Variants in CCSER1 observed in about 807,000 individuals in gnomAD.
The protein encoded by CCSER1 is serine-rich coiled-coil domain-containing protein 1.
Under a neutral mutation model 82.0 loss-of-function variants are expected in CCSER1, and 41 were observed. The ratio of observed to expected loss-of-function variants is 0.50; its 90% CI spans 0.39 to 0.65. The LOEUF (loss-of-function observed/expected upper bound fraction) is 0.65. Ranked by LOEUF, CCSER1 falls within the 30% of genes least tolerant of loss-of-function variation. CCSER1 has a pLI of 0.00. For synonymous variants in CCSER1, 414 were observed against 383.9 expected (o/e 1.08, Z -0.92); for missense variants, 1,119 against 1,064.2 (o/e 1.05, Z -0.72).
intron 5 of CCSER1, among the ~76,000 whole-genome samples, chr4:90,571,150 T>G (rs757316330): frequency 6.6e-6 from 1 of 152,088 alleles, no homozygotes; most frequent in Admixed American, 6.6e-5. Flanking sequence ...ATTAGTCCAG[T>G]CCCCGTGGAA....
intron 3 of CCSER1, among the ~76,000 whole-genome samples, chr4:90,364,416 A>G (rs941242209): frequency 6.6e-6 from 1 of 152,050 alleles, no homozygotes; most frequent in African/African-American, 2.4e-5. Flanking sequence ...GGAATCACTA[A>G]AATTGATGGT....
At chr4:90,279,670 A>G (rs1317280762) in intron 1 of CCSER1, among the ~76,000 whole-genome samples, 1 of 151,998 alleles carries the variant, frequency 6.6e-6, no homozygotes, top group Admixed American at 6.6e-5. Flanking sequence ...TACCAGATAA[A>G]AGAAATGGTC....
At chr4:90,380,823 A>G (rs1315231433) in intron 3 of CCSER1, among the ~76,000 whole-genome samples, 1 of 152,322 alleles carries the variant, frequency 6.6e-6, no homozygotes, top group South Asian at 2.1e-4. Flanking sequence ...CATCTAATTA[A>G]TAGTTAATTC....
intron 10 of CCSER1, among the ~76,000 whole-genome samples, chr4:91,488,963 C>G (rs1758366607): frequency 6.6e-6 from 1 of 152,028 alleles, no homozygotes; most frequent in Non-Finnish European, 1.5e-5. Flanking sequence ...TCAAAAAACA[C>G]AAATGAAAAG....
chr4:90,667,893 T>G (rs1441581586), intron 6 of CCSER1, among the ~76,000 whole-genome samples: 1 of 152,178 alleles, frequency 6.6e-6, no homozygotes, highest in Non-Finnish European at 1.5e-5. Context: ...AATAAACAGT[T>G]TTTAGACTGA....
intron 4 of CCSER1, among the ~76,000 whole-genome samples, chr4:90,428,405 A>G (rs1757824658): frequency 6.6e-6 from 1 of 151,730 alleles, no homozygotes; most frequent in African/African-American, 2.4e-5. Context: ...ATAACTTCTG[A>G]CTCCCCCAAA....
At chr4:90,470,774 A>AAAC (rs1553919969) in intron 5 of CCSER1, among the ~76,000 whole-genome samples, 10 of 149,826 alleles carry the variant, frequency 6.7e-5, no homozygotes, top group African/African-American at 2.5e-4. Context: ...AAAAAAAAAA[A>AAAC]AAAAAAACAA....
intron 8 of CCSER1, among the ~76,000 whole-genome samples, chr4:90,850,118 A>G (rs776506365): frequency 1.3e-4 from 20 of 152,208 alleles, no homozygotes; most frequent in Non-Finnish European, 1.9e-4. Flanking sequence ...TCAAGCCCCA[A>G]ACCTTGGTGA....
intron 8 of CCSER1, among the ~76,000 whole-genome samples, chr4:90,848,880 T>C (rs1763515499): frequency 6.6e-6 from 1 of 152,216 alleles, no homozygotes; most frequent in African/African-American, 2.4e-5. Flanking sequence ...ATTTATCACC[T>C]TTGCTCAACA....
At chr4:90,759,579 A>T (rs910332106) in intron 7 of CCSER1, among the ~76,000 whole-genome samples, 1 of 152,322 alleles carries the variant, frequency 6.6e-6, no homozygotes, top group East Asian at 1.9e-4. Flanking sequence ...CACCATGGCC[A>T]ATTTCAAGCT....
At position 91,357,885 on chromosome 4, in the gene CCSER1, C is replaced by G. The variant is rs1039639140; in HGVS notation, c.2218-240687C>G. Among the ~76,000 whole-genome samples, 297 of 73,066 alleles carry G rather than the reference C, an allele frequency of 4.1e-3. 2 individuals are homozygous for G. The highest frequency in any genetic ancestry group is 0.012 in the African/African-American group (272 of 23,136). 47.9% of individuals were successfully genotyped at this position (73,066 alleles called of 152,430 possible). On this transcript the variant is annotated intron_variant, in intron 10 of 10. Transcript: ENST00000509176. ...TACCTAAATTCTGCCTGCCCCCCCCCCCTTTTTTTTTTTTTTTTGAAGATA... is the reference window on the plus strand; with the variant it reads ...TACCTAAATTCTGCCTGCCCCCCCCGCCTTTTTTTTTTTTTTTTGAAGATA...
At chr4:90,277,849 A>C (rs1045183546) in intron 1 of CCSER1, among the ~76,000 whole-genome samples, 5 of 152,180 alleles carry the variant, frequency 3.3e-5, no homozygotes, top group African/African-American at 1.2e-4. Context: ...TAATTAAAGT[A>C]AAGAGCTTCT....
intron 10 of CCSER1, among the ~76,000 whole-genome samples, chr4:91,145,200 C>A (rs116023332): frequency 1.3e-5 from 2 of 152,030 alleles, no homozygotes; most frequent in Non-Finnish European, 2.9e-5. Flanking sequence ...AAACTAATAT[C>A]GTTATGTAAT....
intron 8 of CCSER1, among the ~76,000 whole-genome samples, chr4:90,890,672 T>C (rs1027421957): frequency 6.6e-6 from 1 of 152,210 alleles, no homozygotes; most frequent in Non-Finnish European, 1.5e-5. Flanking sequence ...CTCTGAGATC[T>C]TGAAGCAGTC....
chr4:91,379,393 TG>T (rs1336753965), intron 10 of CCSER1, among the ~76,000 whole-genome samples: 1 of 152,158 alleles, frequency 6.6e-6, no homozygotes, highest in Non-Finnish European at 1.5e-5. Context: ...GACTTTTTTT[TG>T]GTTGGTAGGC....
intron 8 of CCSER1, among the ~76,000 whole-genome samples, chr4:90,860,363 G>A (rs926166263): frequency 6.6e-6 from 1 of 151,542 alleles, no homozygotes; most frequent in Admixed American, 6.6e-5. Context: ...AAAAATATTA[G>A]CAAGGATATG....
chr4:90,281,572 A>C (rs1728866590), intron 1 of CCSER1, among the ~76,000 whole-genome samples: 1 of 151,992 alleles, frequency 6.6e-6, no homozygotes. Context: ...CAGCCTGTCC[A>C]GGCCCAGGTG....
intron 1 of CCSER1, among the ~76,000 whole-genome samples, chr4:90,273,611 T>G (rs1228234818): frequency 6.6e-6 from 1 of 152,184 alleles, no homozygotes; most frequent in African/African-American, 2.4e-5. Context: ...AGTTGTATAG[T>G]TAATATAACA....
intron 5 of CCSER1, among the ~76,000 whole-genome samples, chr4:90,601,682 A>G (rs1784058723): frequency 6.7e-6 from 1 of 150,250 alleles, no homozygotes; most frequent in Admixed American, 6.6e-5. Flanking sequence ...TATCTCTAAT[A>G]TGGGTGTTTA....
Sources: allele counts gnomAD v4.1 joint callset (sites outside exome capture counted in the v4.1 genomes callset), GRCh38; gene constraint gnomAD v4.1.1; transcripts MANE v1.5; gene names NCBI Gene and HGNC (gene_info 2026-07-23, HGNC 2026-07-21).